Variants in MDGA2 observed in about 807,000 individuals in gnomAD.
MDGA2 encodes the protein MAM domain-containing glycosylphosphatidylinositol anchor protein 2.
A neutral mutation model predicts 117.8 loss-of-function variants in MDGA2; 40 were observed. The observed-to-expected ratio is 0.34, with a 90% CI of 0.26 to 0.44. The LOEUF is 0.44. Among genes scored for constraint, MDGA2 ranks in the 20% least tolerant of loss-of-function variants. The pLI, the probability that MDGA2 is intolerant of heterozygous loss-of-function variation, is 1.00. For missense variants in MDGA2, 1,123 were observed against 1,250.6 expected (o/e 0.90, Z 1.54); for synonymous variants, 452 against 439.0 (o/e 1.03, Z -0.37).
intron 5 of MDGA2, among the ~76,000 whole-genome samples, chr14:47,108,655 C>A (rs533667887): frequency 3.0e-4 from 46 of 152,344 alleles, no homozygotes; most frequent in Admixed American, 2.7e-3. Flanking sequence ...ACCCTTATCT[C>A]CCTTCGCTGA....
chr14:47,119,463 T>C (rs893947040), intron 5 of MDGA2, among the ~76,000 whole-genome samples: 1 of 152,182 alleles, frequency 6.6e-6, no homozygotes, highest in Non-Finnish European at 1.5e-5. Flanking sequence ...ATGTTTAGTG[T>C]GCAGACCATG....
chr14:46,905,833 A>G (rs1211838354), intron 10 of MDGA2, among the ~76,000 whole-genome samples: 1 of 152,264 alleles, frequency 6.6e-6, no homozygotes, highest in South Asian at 2.1e-4. Context: ...GTGAGCAGCC[A>G]TAGTTAATCT....
chr14:47,581,069 T>C (rs1257212621), intron 1 of MDGA2, among the ~76,000 whole-genome samples: 1 of 152,042 alleles, frequency 6.6e-6, no homozygotes, highest in Admixed American at 6.6e-5. Context: ...TCTTCAATAA[T>C]TTGCTTTAAA....
At chr14:47,633,698 T>A (rs1897276956) in intron 1 of MDGA2, among the ~76,000 whole-genome samples, 1 of 152,220 alleles carries the variant, frequency 6.6e-6, no homozygotes, top group African/African-American at 2.4e-5. Context: ...TTACAAATGC[T>A]GTGCGAAAGT....
intron 1 of MDGA2, among the ~76,000 whole-genome samples, chr14:47,627,746 T>G (rs1295659827): frequency 3.3e-5 from 5 of 152,156 alleles, no homozygotes; most frequent in Non-Finnish European, 5.9e-5. Context: ...CCTTCCACAT[T>G]GTGGAAGCTT....
At chr14:47,484,847 C>A (rs1397896136) in intron 1 of MDGA2, among the ~76,000 whole-genome samples, 1 of 152,166 alleles carries the variant, frequency 6.6e-6, no homozygotes, top group Non-Finnish European at 1.5e-5. Context: ...TAGGATGTGA[C>A]TTGCTCCTCC....
chr14:47,377,364 G>T (rs1186908226), intron 1 of MDGA2, among the ~76,000 whole-genome samples: 1 of 152,164 alleles, frequency 6.6e-6, no homozygotes, highest in Non-Finnish European at 1.5e-5. Flanking sequence ...GCTGGGTCTT[G>T]TCAGACAGTG....
intron 8 of MDGA2, among the ~76,000 whole-genome samples, chr14:46,960,900 A>C (rs957859063): frequency 4.8e-5 from 7 of 146,314 alleles, no homozygotes; most frequent in Non-Finnish European, 9.0e-5. Context: ...ATATATGTAT[A>C]TATATTTAAT....
chr14:47,638,130 G>T (rs1257311914), intron 1 of MDGA2, among the ~76,000 whole-genome samples: 1 of 152,092 alleles, frequency 6.6e-6, no homozygotes, highest in African/African-American at 2.4e-5. Context: ...GTAGAAAAGG[G>T]GTCCATGCTA....
chr14:47,397,926 T>C (rs1476267873), intron 1 of MDGA2, among the ~76,000 whole-genome samples: 1 of 152,182 alleles, frequency 6.6e-6, no homozygotes, highest in East Asian at 1.9e-4. Context: ...TAGAAACATC[T>C]GGTGACTAAC....
At chr14:47,548,152 T>G (rs1277649154) in intron 1 of MDGA2, among the ~76,000 whole-genome samples, 1 of 152,190 alleles carries the variant, frequency 6.6e-6, no homozygotes, top group Non-Finnish European at 1.5e-5. Context: ...CTTTATTACT[T>G]CATGTGGTCT....
rs142075070 is a variant in MDGA2, at chr14:47,214,455, A to G, written c.595+3566T>C. Reference sequence around the variant, plus strand: ...GTCCTATAAATTGAGGAACATGATTATAATAATTTTTCAAACTGTATTCTT... The same window carrying G: ...GTCCTATAAATTGAGGAACATGATTGTAATAATTTTTCAAACTGTATTCTT... On this transcript the variant is annotated intron_variant, in intron 3 of 16. Transcript: ENST00000399232. Among the ~76,000 whole-genome samples the G allele has an allele frequency of 3.2e-3, 493 of 152,314 alleles. 4 individuals carry two copies. The highest frequency in any genetic ancestry group is 0.011 in the African/African-American group (447 of 41,584).
At chr14:47,178,171 A>AGG (rs1884553064) in intron 3 of MDGA2, among the ~76,000 whole-genome samples, 1 of 152,172 alleles carries the variant, frequency 6.6e-6, no homozygotes, top group Middle Eastern at 3.2e-3. Flanking sequence ...TAATATTAAA[A>AGG]TTCATTTGAA....
chr14:47,095,617 T>C (rs941475499), intron 6 of MDGA2, among the ~76,000 whole-genome samples: 2 of 151,792 alleles, frequency 1.3e-5, no homozygotes, highest in African/African-American at 4.8e-5. Context: ...TATAAAATAA[T>C]CATACATGTT....
intron 8 of MDGA2, among the ~76,000 whole-genome samples, chr14:46,964,941 T>TTTTTTTTTTA: frequency 8.9e-6 from 1 of 112,038 alleles, no homozygotes; most frequent in Non-Finnish European, 1.6e-5. Context: ...TTTTTTTTTT[T>TTTTTTTTTTA]GAGACAGAGT....
At chr14:47,596,458 T>C (rs959092901) in intron 1 of MDGA2, among the ~76,000 whole-genome samples, 1 of 152,176 alleles carries the variant, frequency 6.6e-6, no homozygotes, top group African/African-American at 2.4e-5. Flanking sequence ...TGATGTTTCA[T>C]ATATTCAGGG....
intron 5 of MDGA2, among the ~76,000 whole-genome samples, chr14:47,104,046 C>T (rs547563818): frequency 6.6e-6 from 1 of 152,324 alleles, no homozygotes; most frequent in South Asian, 2.1e-4. Flanking sequence ...ATGTTTACTT[C>T]ACCTGCCTGT....
At chr14:47,382,064 C>A (rs1891643071) in intron 1 of MDGA2, among the ~76,000 whole-genome samples, 1 of 152,148 alleles carries the variant, frequency 6.6e-6, no homozygotes. Context: ...CTACAACAAT[C>A]TGATCTTTTG....
At chr14:47,093,837 G>A (rs571929529) in intron 6 of MDGA2, among the ~76,000 whole-genome samples, 16 of 152,118 alleles carry the variant, frequency 1.1e-4, no homozygotes, top group Non-Finnish European at 2.1e-4. Context: ...TCTTAAATGA[G>A]GATGGGAATT....
Sources: allele counts gnomAD v4.1 joint callset (sites outside exome capture counted in the v4.1 genomes callset), GRCh38; gene constraint gnomAD v4.1.1; transcripts MANE v1.5; gene names NCBI Gene and HGNC (gene_info 2026-07-23, HGNC 2026-07-21).